Variants in SNX13 observed in about 807,000 individuals in gnomAD.
SNX13 encodes the protein sorting nexin 13.
A neutral mutation model predicts 133.6 loss-of-function variants in SNX13; 45 were observed. The ratio of observed to expected loss-of-function variants is 0.34; its 90% confidence interval spans 0.27 to 0.43. The LOEUF (loss-of-function observed/expected upper bound fraction) is 0.43. SNX13 is among the 20% of genes least tolerant of loss of function. The pLI, the probability that SNX13 is intolerant of heterozygous loss-of-function variation, is 1.00. For missense variants in SNX13, 1,032 were observed against 1,145.1 expected, an observed-to-expected ratio of 0.90 and a Z score of 1.43; for synonymous variants, 414 against 373.9, an observed-to-expected ratio of 1.11 and a Z score of -1.24.
At chr7:17,939,140 G>C (rs533795350) in intron 1 of SNX13, among the ~76,000 whole-genome samples, 30 of 152,228 alleles carry the variant, frequency 2.0e-4, no homozygotes, top group African/African-American at 7.2e-4. Context: ...CACGTTCCAA[G>C]GACCTGAAAT....
intron 18 of SNX13, among the ~76,000 whole-genome samples, chr7:17,816,994 C>T (rs2128299184): frequency 6.6e-6 from 1 of 152,102 alleles, no homozygotes; most frequent in South Asian, 2.1e-4. Flanking sequence ...TTTCAAAATA[C>T]AGATAGTAGT....
In SNX13 at chr7:17,820,362, CAG is replaced by C. The variant is rs144543688; in HGVS notation, c.1845+1145_1845+1146del. Among the ~76,000 whole-genome samples, 1,469 of 152,072 alleles carry C rather than the reference CAG, an allele frequency of 9.7e-3. 26 individuals carry two copies. The highest frequency in any genetic ancestry group is 0.034 in the African/African-American group (1,400 of 41,494). On this transcript the variant is annotated intron_variant, in intron 18 of 25. Coordinates refer to ENST00000428135, the MANE Select transcript of SNX13 (RefSeq NM_015132.5). ...AGCTATATGCTTTTAAAATATCAAA[CAG>C]GTAATATTTTAAAAAGTAAAGCAAT...
At chr7:17,929,237 G>A (rs548124685) in intron 1 of SNX13, among the ~76,000 whole-genome samples, 1 of 152,014 alleles carries the variant, frequency 6.6e-6, no homozygotes, top group Non-Finnish European at 1.5e-5. Context: ...TAAAGGAATA[G>A]AGAGAGATAT....
At chr7:17,871,389 G>C (rs1306600192) in intron 8 of SNX13, among the ~76,000 whole-genome samples, 1 of 152,112 alleles carries the variant, frequency 6.6e-6, no homozygotes, top group Non-Finnish European at 1.5e-5. Context: ...CAGTGTGGCT[G>C]GAGTATAGTG....
chr7:17,859,747 G>A (rs1388588484), intron 9 of SNX13, among the ~76,000 whole-genome samples: 1 of 152,160 alleles, frequency 6.6e-6, no homozygotes, highest in African/African-American at 2.4e-5. Flanking sequence ...GAGGGATCAT[G>A]CAGTATTTGT....
chr7:17,873,540 T>C lies in SNX13; in HGVS notation c.741A>G (p.Arg247=), dbSNP rs754916947. The change falls in exon 8 of 26, where the codon CGA becomes CGG. Residue 247 remains arginine (R), a synonymous_variant. Coordinates refer to ENST00000428135, the MANE Select transcript of SNX13 (RefSeq NM_015132.5). ...AGTTTAAGCTTACCCTGACAAAGTA[T>C]CGCATGATCTTGTTCTGGAAATCTC... ...PPGDFQNKIM[R]YFVREILARG... 12 of 1,581,554 alleles carry C rather than the reference T, an allele frequency of 7.6e-6. No homozygotes were observed. Among genetic ancestry groups the C allele is most frequent in the Non-Finnish European group, 1.0e-5 (12 of 1,164,426 alleles).
intron 1 of SNX13, among the ~76,000 whole-genome samples, chr7:17,921,900 C>T (rs892090834): frequency 6.6e-6 from 1 of 152,222 alleles, no homozygotes; most frequent in African/African-American, 2.4e-5. Context: ...GAATAACCTT[C>T]AGTTATTTTA....
At chr7:17,879,399 C>G (rs1034289927) in intron 5 of SNX13, 1 of 152,144 alleles carries the variant, frequency 6.6e-6, no homozygotes, top group Non-Finnish European at 1.5e-5. Context: ...ATAGCTGTAT[C>G]CCCCAAGGAA....
At chr7:17,893,284 T>C (rs913477650) in intron 3 of SNX13, 48 bp downstream of exon 3, 6 of 1,274,472 alleles carry the variant, frequency 4.7e-6, no homozygotes, top group African/African-American at 3.0e-5. Context: ...TCTATTATCA[T>C]TGCAAAGAAC....
At chr7:17,796,657 T>A in intron 25 of SNX13, 170 bp downstream of exon 25, 1 of 592,870 alleles carries the variant, frequency 1.7e-6, no homozygotes, top group Non-Finnish European at 3.0e-6. Flanking sequence ...AGTACTGTCA[T>A]GAGGACTGAT....
At chr7:17,839,038 TACA>T (rs1438074180) in intron 13 of SNX13, among the ~76,000 whole-genome samples, 1 of 149,778 alleles carries the variant, frequency 6.7e-6, no homozygotes, top group African/African-American at 2.4e-5. Flanking sequence ...TTAGAATTAT[TACA>T]ATATTATTAG....
intron 1 of SNX13, among the ~76,000 whole-genome samples, chr7:17,914,063 G>A (rs942091181): frequency 2.0e-5 from 3 of 151,864 alleles, no homozygotes; most frequent in South Asian, 2.1e-4. Context: ...CAAACAGAAC[G>A]TCTGGAATTG....
intron 1 of SNX13, among the ~76,000 whole-genome samples, chr7:17,919,880 C>G (rs1053556221): frequency 6.6e-6 from 1 of 152,200 alleles, no homozygotes; most frequent in African/African-American, 2.4e-5. Flanking sequence ...CCTGTAATCC[C>G]AGGACTTTGG....
chr7:17,817,213 G>A (rs1005859724), intron 18 of SNX13, among the ~76,000 whole-genome samples: 2 of 152,110 alleles, frequency 1.3e-5, no homozygotes, highest in African/African-American at 2.4e-5. Flanking sequence ...CACCTTCAAA[G>A]GTCCATCATC....
At chr7:17,830,268 T>C (rs1788341357) in intron 15 of SNX13, 5 of 984,012 alleles carry the variant, frequency 5.1e-6, no homozygotes, top group Non-Finnish European at 6.0e-6. Context: ...AGTATGTACC[T>C]GATAGCTGGC....
In SNX13 at chr7:17,792,094, A is replaced by C. The variant is rs1296724011; in HGVS notation, c.*1951T>G. ...AAATGCTTTTTCACATGTACACGTTAGGGTCTTACATGAATTATTCTGTAT... is the reference window on the plus strand; with the variant it reads ...AAATGCTTTTTCACATGTACACGTTCGGGTCTTACATGAATTATTCTGTAT... On this transcript the variant is annotated 3_prime_UTR_variant, in exon 26 of 26. Transcript: ENST00000428135. 6.6e-6 allele frequency: 1 copy of C among 152,088 alleles called. No individual in the cohort carries two copies. Among genetic ancestry groups the C allele is most frequent in the Non-Finnish European group, 1.5e-5 (1 of 67,964 alleles). 9.4% of individuals were successfully genotyped at this position (152,088 alleles called of 1,614,324 possible). A position where few individuals can be genotyped will look rare whatever the true frequency, so the allele number is the denominator to read the frequency against.
chr7:17,853,753 C>G (rs1471429245), intron 9 of SNX13, among the ~76,000 whole-genome samples: 3 of 151,966 alleles, frequency 2.0e-5, no homozygotes, highest in African/African-American at 7.3e-5. Context: ...ACCAGCCTGG[C>G]CAAAATGGTG....
chr7:17,935,029 C>CA (rs1379292448), intron 1 of SNX13, among the ~76,000 whole-genome samples: 1 of 151,902 alleles, frequency 6.6e-6, no homozygotes, highest in Non-Finnish European at 1.5e-5. Flanking sequence ...GGTATATTTC[C>CA]AAAAAACGGA....
rs746351124 is a variant in SNX13, at chr7:17,848,056, G to A, written c.1065+2291C>T. Among the ~76,000 whole-genome samples, 45 of 152,190 alleles carry A rather than the reference G, an allele frequency of 3.0e-4. 1 individual carries two copies. The highest frequency in any genetic ancestry group is 5.9e-4 in the Non-Finnish European group (40 of 68,000). On this transcript the variant is annotated intron_variant, in intron 11 of 25. Coordinates refer to ENST00000428135, the MANE Select transcript of SNX13 (RefSeq NM_015132.5). ...TATATCCCTGTTTTCCTGCTCGAAT[G>A]TTGCCTTTTCCTAAACCACCCATGG...
Sources: allele counts gnomAD v4.1 joint callset (sites outside exome capture counted in the v4.1 genomes callset), GRCh38; gene constraint gnomAD v4.1.1; transcripts MANE v1.5; gene names NCBI Gene and HGNC (gene_info 2026-07-23, HGNC 2026-07-21).